VPS13B: variants seen among roughly 807,000 people sequenced by gnomAD.
VPS13B encodes intermembrane lipid transfer protein VPS13B.
A neutral mutation model predicts 426.4 loss-of-function variants in VPS13B; 285 were observed. That is an observed-to-expected ratio of 0.67 (90% CI 0.61 to 0.74). VPS13B has a LOEUF of 0.74. Ranked by LOEUF, VPS13B falls within the 30% of genes least tolerant of loss-of-function variation. The pLI is 0.00. For missense variants in VPS13B, 4,537 were observed against 4,782.6 expected, an observed-to-expected ratio of 0.95 and a Z score of 1.51; for synonymous variants, 1,676 against 1,676.4, an observed-to-expected ratio of 1.00 and a Z score of 0.01.
In VPS13B at chr8:99,391,579, T is replaced by C; in HGVS notation, c.2957T>C (p.Leu986Pro). The change falls in exon 21 of 62, where the codon CTT becomes CCT. Residue 986 changes from leucine to proline, a missense_variant. This residue lies in a region of VPS13B where 4,311 missense variants were observed against 4,474.3 expected (regional missense o/e 0.96). Coordinates refer to ENST00000357162, the MANE Select transcript of VPS13B (RefSeq NM_152564.5). The stretch of plus-strand genomic sequence containing the variant: ...CAGCAGCCTGTGGTAGCTGTTCCTC[T>C]TGTTATGCCAGTTTGTAGAAGGAAA... ...MQQQPVVAVP[L>P]VMPVCRRKED... The C allele has an allele frequency of 6.2e-7, 1 of 1,614,200 alleles. No homozygotes were observed.
At chr8:99,276,520 G>A (rs904841802) in intron 19 of VPS13B, among the ~76,000 whole-genome samples, 41 of 152,112 alleles carry the variant, frequency 2.7e-4, no homozygotes, top group African/African-American at 9.2e-4. Flanking sequence ...GGCCCATACA[G>A]TCTCTGTCTC....
chr8:99,354,957 A>C (rs1166492603), intron 19 of VPS13B, among the ~76,000 whole-genome samples: 1 of 152,200 alleles, frequency 6.6e-6, no homozygotes, highest in Non-Finnish European at 1.5e-5. Context: ...ACAGACAAAC[A>C]AAAAACCTAG....
In VPS13B at chr8:99,642,107, G is replaced by A. The variant is rs61742808; in HGVS notation, c.5517G>A (p.Gln1839=). The A allele has an allele frequency of 1.3e-3, 2,024 of 1,614,076 alleles. 22 individuals are homozygous for A. In the African/African-American group the frequency reaches 0.024, roughly 20 times the overall value. The change falls in exon 34 of 62, where the codon CAG becomes CAA. Residue 1839 remains glutamine (Q), a synonymous_variant. Coordinates refer to ENST00000357162, the MANE Select transcript of VPS13B (RefSeq NM_152564.5). ...TATCCAAATCGAAATCACAAGAACA[G>A]AAGAATAATGAAAAAACAGACAAGA... is the stretch of plus-strand genomic sequence containing the variant. The part of the protein sequence containing the change: ...MALSKSKSQE[Q]KNNEKTDKSS...
chr8:99,627,662 G>A (rs553073140), intron 33 of VPS13B, among the ~76,000 whole-genome samples: 12 of 152,286 alleles, frequency 7.9e-5, no homozygotes, highest in African/African-American at 2.6e-4. Flanking sequence ...GGGATTACAG[G>A]TGTGAGCCAC....
intron 19 of VPS13B, among the ~76,000 whole-genome samples, chr8:99,297,030 G>T (rs902351131): frequency 6.6e-6 from 1 of 151,918 alleles, no homozygotes; most frequent in African/African-American, 2.4e-5. Flanking sequence ...ATGAGGGGGA[G>T]GGATTTTTTG....
At chr8:99,058,682 A>G (rs1844017688) in intron 3 of VPS13B, among the ~76,000 whole-genome samples, 1 of 152,220 alleles carries the variant, frequency 6.6e-6, no homozygotes, top group South Asian at 2.1e-4. Flanking sequence ...AAATAATTTC[A>G]GAGAATTAGT....
At chr8:99,144,765 A>C (rs1810614487) in intron 13 of VPS13B, among the ~76,000 whole-genome samples, 1 of 152,214 alleles carries the variant, frequency 6.6e-6, no homozygotes, top group African/African-American at 2.4e-5. Context: ...CAAGACATAC[A>C]AAGCCTTTGG....
intron 27 of VPS13B, among the ~76,000 whole-genome samples, chr8:99,504,683 T>C (rs1434377141): frequency 2.6e-5 from 4 of 152,174 alleles, no homozygotes; most frequent in African/African-American, 7.2e-5. Context: ...GTTGTTCCCA[T>C]GTATAGAGCA....
In VPS13B at chr8:99,871,514, C is replaced by T; in HGVS notation, c.11562C>T (p.Gly3854=). Reference sequence around the variant, plus strand: ...CCCTGGACGTGGTTCTGGTGAGGGGCTCAGGCCAGGAGCATGAAGGGTGCT... The same window carrying T: ...CCCTGGACGTGGTTCTGGTGAGGGGTTCAGGCCAGGAGCATGAAGGGTGCT... The part of the protein sequence containing the change: ...HMALDVVLVR[G]SGQEHEGCLL... Residue 3854 remains glycine, a synonymous_variant, in exon 61 of 62, where the codon GGC becomes GGT. Transcript: ENST00000357162. The T allele has an allele frequency of 6.2e-7, 1 of 1,614,218 alleles. No homozygotes were observed. The highest frequency in any genetic ancestry group is 8.5e-7 in the Non-Finnish European group (1 of 1,180,036).
chr8:99,232,840 T>G (rs1239501448), intron 17 of VPS13B, among the ~76,000 whole-genome samples: 1 of 151,868 alleles, frequency 6.6e-6, no homozygotes, highest in Non-Finnish European at 1.5e-5. Context: ...GGCCCGGAGG[T>G]TCTGGCAAAC....
At chr8:99,055,033 GT>G (rs775826222) in intron 3 of VPS13B, among the ~76,000 whole-genome samples, 4 of 109,356 alleles carry the variant, frequency 3.7e-5, no homozygotes, top group Admixed American at 1.8e-4. Flanking sequence ...TTGTATTTCT[GT>G]TTTTTTTTTG....
At chr8:99,650,262 T>G (rs894363021) in intron 34 of VPS13B, among the ~76,000 whole-genome samples, 2 of 152,108 alleles carry the variant, frequency 1.3e-5, no homozygotes, top group African/African-American at 4.8e-5. Flanking sequence ...AGCATTAACT[T>G]GATTCTTCCC....
Position 99,193,020 on chromosome 8 carries a change from GATTGA to G in VPS13B, c.2480_2484del (p.Ile827SerfsTer5). The G allele has an allele frequency of 6.2e-7, 1 of 1,613,668 alleles. No individual in the cohort carries two copies. The highest frequency in any genetic ancestry group is 8.5e-7 in the Non-Finnish European group (1 of 1,179,822). ...TTGGAAATGTCAGCTCTTCCGCAGT[GATTGA>G]AGCTTTGATAAATGAAATCTTCCTA... On this transcript the variant is annotated frameshift_variant, in exon 17 of 62. Coordinates refer to ENST00000357162, the MANE Select transcript of VPS13B (RefSeq NM_152564.5). LOFTEE classifies it high-confidence loss of function.
At chr8:99,695,540 G>A (rs867347941) in intron 35 of VPS13B, among the ~76,000 whole-genome samples, 8 of 111,898 alleles carry the variant, frequency 7.1e-5, no homozygotes, top group Admixed American at 2.1e-4. Context: ...ACACTCTGGG[G>A]ACTGTGGTGG....
chr8:99,179,326 G>T (rs1336693385), intron 16 of VPS13B, among the ~76,000 whole-genome samples: 1 of 152,078 alleles, frequency 6.6e-6, no homozygotes, highest in Non-Finnish European at 1.5e-5. Flanking sequence ...CTCTTTACTA[G>T]AATACTTTGC....
intron 21 of VPS13B, among the ~76,000 whole-genome samples, chr8:99,414,057 A>G (rs1219703309): frequency 1.3e-5 from 2 of 152,124 alleles, no homozygotes; most frequent in African/African-American, 4.8e-5. Context: ...ATTGTGTGGG[A>G]GTCTAAGTCT....
At chr8:99,680,048 G>C (rs984353327) in intron 35 of VPS13B, among the ~76,000 whole-genome samples, 7 of 152,044 alleles carry the variant, frequency 4.6e-5, no homozygotes, top group Middle Eastern at 3.2e-3. Context: ...ATGTTTTCTT[G>C]TAAGTCTTGC....
At chr8:99,327,456 T>G (rs1382339167) in intron 19 of VPS13B, among the ~76,000 whole-genome samples, 3 of 152,064 alleles carry the variant, frequency 2.0e-5, no homozygotes, top group Admixed American at 6.6e-5. Context: ...CAGAGCACAG[T>G]CAAGATTAAT....
chr8:99,495,193 T>G (rs1210332931), intron 25 of VPS13B, among the ~76,000 whole-genome samples: 1 of 152,194 alleles, frequency 6.6e-6, no homozygotes, highest in Non-Finnish European at 1.5e-5. Context: ...ATATAGATGT[T>G]GAATAATTTT....
Sources: gnomAD v4.1 joint callset for allele counts (sites outside exome capture counted in the v4.1 genomes callset) on GRCh38, gnomAD v4.1.1 for gene constraint, gnomAD v4.1.1 regional missense constraint, MANE v1.5 for transcripts, NCBI Gene and HGNC (gene_info 2026-07-23, HGNC 2026-07-21) for gene names.